SRRM4: variants seen among roughly 807,000 people sequenced by gnomAD.
The protein encoded by SRRM4 is serine/arginine repetitive matrix protein 4.
A neutral mutation model predicts 68.9 loss-of-function variants in SRRM4; 33 were observed. That is an observed-to-expected ratio of 0.48 (90% confidence interval 0.36 to 0.64). The LOEUF (loss-of-function observed/expected upper bound fraction) is 0.64. SRRM4 is among the 30% of genes least tolerant of loss of function. The pLI is 0.00. For missense variants in SRRM4, 817 were observed against 827.1 expected, an observed-to-expected ratio of 0.99 and a Z score of 0.15; for synonymous variants, 318 against 318.8, an observed-to-expected ratio of 1.00 and a Z score of 0.03.
At chr12:118,996,666 G>A (rs1953351523) in intron 1 of SRRM4, among the ~76,000 whole-genome samples, 1 of 152,190 alleles carries the variant, frequency 6.6e-6, no homozygotes, top group South Asian at 2.1e-4. Context: ...CCTCAACTCT[G>A]TGTAATAGGT....
At chr12:119,006,168 C>T (rs1403371858) in intron 1 of SRRM4, among the ~76,000 whole-genome samples, 2 of 152,268 alleles carry the variant, frequency 1.3e-5, no homozygotes, top group African/African-American at 4.8e-5. Flanking sequence ...CTCCTTTGGC[C>T]GCCAGTCCTG....
intron 1 of SRRM4, 73 bp from the exon 2 acceptor site, chr12:119,102,163 T>G (rs1269668089): frequency 7.0e-7 from 1 of 1,421,984 alleles, no homozygotes; most frequent in Non-Finnish European, 9.6e-7. Flanking sequence ...CTAGTAATTC[T>G]ATGAATATTT....
chr12:119,100,886 G>A (rs991302717), intron 1 of SRRM4, among the ~76,000 whole-genome samples: 1 of 152,240 alleles, frequency 6.6e-6, no homozygotes, highest in Non-Finnish European at 1.5e-5. Flanking sequence ...GAAGCACAGA[G>A]TTGGCAGTGA....
chr12:119,124,185 T>G (rs1176656475), intron 6 of SRRM4: 4 of 152,264 alleles, frequency 2.6e-5, no homozygotes, highest in African/African-American at 9.6e-5. Context: ...AGATGTGGGT[T>G]ACCTGTCATC....
chr12:119,053,059 T>C lies in SRRM4; in HGVS notation c.132-49177T>C, dbSNP rs190480544. ...TTCAATTCACTTTCTCTCCTTCCAA[T>C]TGTCAGAGAGTTGTCTCAGTTTGGG... is the stretch of plus-strand genomic sequence containing the variant. On this transcript the variant is annotated intron_variant, in intron 1 of 12. Transcript: ENST00000267260. 4.6e-5 allele frequency among the ~76,000 whole-genome samples: 7 copies of C among 152,282 alleles called. No homozygotes were observed. The East Asian group carries it at 9.7e-4, about 21-fold the overall frequency.
chr12:119,036,548 G>T (rs940489169), intron 1 of SRRM4, among the ~76,000 whole-genome samples: 2 of 152,112 alleles, frequency 1.3e-5, no homozygotes, highest in Admixed American at 1.3e-4. Flanking sequence ...TTGAATAAAG[G>T]AATAAGACAG....
chr12:119,131,407 C>T (rs187751014), intron 8 of SRRM4, among the ~76,000 whole-genome samples: 33 of 152,314 alleles, frequency 2.2e-4, no homozygotes, highest in Admixed American at 9.1e-4. Context: ...CACAGCTGTT[C>T]TCACTAGTCC....
chr12:119,136,062 C>T (rs1191903857), intron 8 of SRRM4, among the ~76,000 whole-genome samples: 3 of 152,198 alleles, frequency 2.0e-5, no homozygotes, highest in Non-Finnish European at 4.4e-5. Flanking sequence ...ACATAACCCT[C>T]AAAGTATCCT....
intron 1 of SRRM4, among the ~76,000 whole-genome samples, chr12:119,097,120 T>C (rs1015327992): frequency 6.6e-6 from 1 of 152,208 alleles, no homozygotes; most frequent in Non-Finnish European, 1.5e-5. Context: ...TTTCGGCTTC[T>C]TTTAAGTATT....
intron 1 of SRRM4, among the ~76,000 whole-genome samples, chr12:119,040,291 C>T (rs1256490833): frequency 6.6e-6 from 1 of 151,990 alleles, no homozygotes; most frequent in Non-Finnish European, 1.5e-5. Context: ...TCCTGGTGCA[C>T]CCATCACCCG....
intron 1 of SRRM4, among the ~76,000 whole-genome samples, chr12:119,086,951 C>T (rs2136034653): frequency 6.6e-6 from 1 of 152,298 alleles, no homozygotes; most frequent in South Asian, 2.1e-4. Flanking sequence ...AGCTTTCTTG[C>T]CCCATTATGT....
chr12:119,152,640 T>C (rs2136069401), intron 10 of SRRM4, among the ~76,000 whole-genome samples: 2 of 152,328 alleles, frequency 1.3e-5, no homozygotes, highest in Middle Eastern at 6.8e-3. Flanking sequence ...ATTCTGATAA[T>C]ATCCTTTCAA....
At chr12:119,095,768 C>A (rs749122239) in intron 1 of SRRM4, among the ~76,000 whole-genome samples, 1 of 151,892 alleles carries the variant, frequency 6.6e-6, no homozygotes, top group Non-Finnish European at 1.5e-5. Flanking sequence ...TCCACTTATC[C>A]TTTCCTATAT....
chr12:119,094,426 A>G (rs1954031120), intron 1 of SRRM4, among the ~76,000 whole-genome samples: 1 of 152,200 alleles, frequency 6.6e-6, no homozygotes, highest in Admixed American at 6.5e-5. Context: ...CAGGTGACCC[A>G]TGCACATGAA....
At chr12:119,063,631 G>A (rs1953827921) in intron 1 of SRRM4, among the ~76,000 whole-genome samples, 1 of 152,110 alleles carries the variant, frequency 6.6e-6, no homozygotes, top group African/African-American at 2.4e-5. Context: ...CCTATTTTGT[G>A]CCTGGAAGAA....
chr12:119,108,046 T>A (rs1748841322), intron 2 of SRRM4, among the ~76,000 whole-genome samples: 1 of 152,214 alleles, frequency 6.6e-6, no homozygotes, highest in South Asian at 2.1e-4. Flanking sequence ...AAGAACATCT[T>A]TATTTCTGCC....
intron 1 of SRRM4, among the ~76,000 whole-genome samples, chr12:118,985,647 G>C (rs146336057): frequency 6.6e-6 from 1 of 152,284 alleles, no homozygotes; most frequent in East Asian, 1.9e-4. Flanking sequence ...CTAAAGTGTA[G>C]AGAGCCACCT....
chr12:119,145,815 C>T (rs1954398737), intron 9 of SRRM4, 130 bp downstream of exon 9: 1 of 858,162 alleles, frequency 1.2e-6, no homozygotes, highest in African/African-American at 1.8e-5. Context: ...AAACTCAACT[C>T]AGACTGGCTT....
chr12:119,043,261 C>A (rs10775015), intron 1 of SRRM4, among the ~76,000 whole-genome samples: 84,792 of 151,902 alleles, frequency 0.56, 24,774 homozygotes, highest in Non-Finnish European at 0.65. Flanking sequence ...GAGCTGGGAG[C>A]CATTATCCTC....
Sources: gnomAD v4.1 joint callset for allele counts (sites outside exome capture counted in the v4.1 genomes callset) on GRCh38, gnomAD v4.1.1 for gene constraint, MANE v1.5 for transcripts, NCBI Gene and HGNC (gene_info 2026-07-23, HGNC 2026-07-21) for gene names.